Variants in ANKRD36 observed in about 807,000 individuals in gnomAD.
ANKRD36 encodes the protein ankyrin repeat domain-containing protein 36A.
In ANKRD36, 179 loss-of-function variants were observed where a neutral mutation model predicts 278.1. The ratio of observed to expected loss-of-function variants is 0.64; its 90% CI spans 0.57 to 0.73. The LOEUF is 0.73. Among genes scored for constraint, ANKRD36 ranks in the 30% least tolerant of loss-of-function variants. The pLI is 0.00. For synonymous variants in ANKRD36, 320 were observed against 641.1 expected (o/e 0.50, Z 7.57); for missense variants, 1,159 against 1,956.7 (o/e 0.59, Z 7.69).
intron 24 of ANKRD36, among the ~76,000 whole-genome samples, chr2:97,181,186 GATGA>G: frequency 6.6e-6 from 1 of 151,648 alleles, no homozygotes; most frequent in African/African-American, 2.4e-5. Flanking sequence ...TAAAGGGCAT[GATGA>G]ATGTTTGAAG....
intron 38 of ANKRD36, among the ~76,000 whole-genome samples, chr2:97,193,860 G>A (rs1035537281): frequency 4.6e-5 from 7 of 151,578 alleles, no homozygotes; most frequent in Non-Finnish European, 7.4e-5. Flanking sequence ...AGAATAACAC[G>A]ATACTCCCAA....
At chr2:97,202,916 A>G (rs1460818862) in intron 48 of ANKRD36, among the ~76,000 whole-genome samples, 2 of 151,676 alleles carry the variant, frequency 1.3e-5, no homozygotes, top group South Asian at 2.1e-4. Flanking sequence ...TGCTGAGGAA[A>G]CCTGAGTGAA....
intron 48 of ANKRD36, among the ~76,000 whole-genome samples, chr2:97,203,672 T>C (rs2062010176): frequency 6.6e-6 from 1 of 151,828 alleles, no homozygotes; most frequent in African/African-American, 2.4e-5. Flanking sequence ...TATAATGGTG[T>C]AAATCCTTTT....
intron 17 of ANKRD36, among the ~76,000 whole-genome samples, chr2:97,161,571 C>T (rs1263390981): frequency 6.6e-6 from 1 of 152,136 alleles, no homozygotes; most frequent in Non-Finnish European, 1.5e-5. Flanking sequence ...TATGGCTGGA[C>T]CCTCATTACA....
chr2:97,221,106 C>T (rs1401399880), intron 66 of ANKRD36, among the ~76,000 whole-genome samples: 4 of 135,432 alleles, frequency 3.0e-5, no homozygotes, highest in African/African-American at 1.3e-4. Context: ...AGGACATGAA[C>T]TCATCATTTT....
chr2:97,200,901 T>C (rs1464288848), intron 46 of ANKRD36, among the ~76,000 whole-genome samples: 1 of 151,888 alleles, frequency 6.6e-6, no homozygotes, highest in African/African-American at 2.4e-5. Context: ...GACAGAAAAC[T>C]GTTCATTATA....
At chr2:97,125,056 T>C (rs1165934825) in intron 5 of ANKRD36, among the ~76,000 whole-genome samples, 2 of 151,460 alleles carry the variant, frequency 1.3e-5, no homozygotes, top group Non-Finnish European at 2.9e-5. Context: ...GTTCCCTAAG[T>C]CCAAGGAAGA....
intron 6 of ANKRD36, among the ~76,000 whole-genome samples, chr2:97,132,042 T>C (rs1328991594): frequency 1.3e-5 from 2 of 152,046 alleles, no homozygotes; most frequent in Admixed American, 1.3e-4. Context: ...TTAGCCAGGA[T>C]GGTCTGCATC....
Position 97,122,900 on chromosome 2 carries a change from C to T in ANKRD36, c.500C>T (p.Pro167Leu). 6.5e-7 allele frequency: 1 copy of T among 1,540,624 alleles called. No individual in the cohort carries two copies. Among genetic ancestry groups the T allele is most frequent in the Non-Finnish European group, 8.8e-7 (1 of 1,141,410 alleles). Residue 167 changes from proline to leucine, a missense_variant, in exon 4 of 76, where the codon CCA becomes CTA. Physicochemically the swap from Pro to Leu is moderately conservative, Grantham distance 98. Coordinates refer to ENST00000420699, the MANE Select transcript of ANKRD36 (RefSeq NM_001354587.1). ...GTTATTTTACAGTGTGAATATCAGC[C>T]ACTGTTATTTGCTGTGAGTCGAAGA... ...IEECSKCEYQ[P>L]LLFAVSRRKV... is the part of the protein sequence containing the mutation.
intron 42 of ANKRD36, among the ~76,000 whole-genome samples, chr2:97,197,976 G>A (rs1482507196): frequency 2.6e-5 from 4 of 152,008 alleles, no homozygotes; most frequent in Non-Finnish European, 5.9e-5. Context: ...GATGTGAAGT[G>A]TACTTCAACT....
At chr2:97,140,137 C>G (rs2042516013) in intron 6 of ANKRD36, among the ~76,000 whole-genome samples, 1 of 151,602 alleles carries the variant, frequency 6.6e-6, no homozygotes, top group Non-Finnish European at 1.5e-5. Context: ...TGGCACTCTG[C>G]TCTTCTTGGA....
intron 54 of ANKRD36, among the ~76,000 whole-genome samples, chr2:97,208,650 C>T (rs1575987220): frequency 1.4e-5 from 2 of 146,434 alleles, no homozygotes; most frequent in East Asian, 4.0e-4. Context: ...CCACACTGAC[C>T]CATTACTCCT....
At chr2:97,120,769 CA>C (rs2036581466) in intron 3 of ANKRD36, among the ~76,000 whole-genome samples, 2 of 152,006 alleles carry the variant, frequency 1.3e-5, no homozygotes, top group African/African-American at 4.8e-5. Context: ...ATATCCATAG[CA>C]AATATAAAAA....
intron 67 of ANKRD36, among the ~76,000 whole-genome samples, chr2:97,229,095 G>GA (rs1167141944): frequency 1.3e-5 from 2 of 151,326 alleles, no homozygotes; most frequent in African/African-American, 4.8e-5. Context: ...GTGTGGTGCT[G>GA]AAAAAAATGT....
chr2:97,164,932 C>T (rs2050221627), intron 20 of ANKRD36, among the ~76,000 whole-genome samples: 1 of 151,952 alleles, frequency 6.6e-6, no homozygotes, highest in East Asian at 1.9e-4. Flanking sequence ...TGAGTTTCTG[C>T]ATGTGTGTGT....
chr2:97,147,290 A>G (rs1228948337), intron 11 of ANKRD36, among the ~76,000 whole-genome samples: 4 of 151,546 alleles, frequency 2.6e-5, no homozygotes, highest in Non-Finnish European at 5.9e-5. Context: ...TTTTCCTTCT[A>G]TGACATTTTA....
intron 15 of ANKRD36, among the ~76,000 whole-genome samples, 185 bp downstream of exon 15, chr2:97,154,926 G>A (rs1461496358): frequency 7.0e-6 from 1 of 142,240 alleles, no homozygotes; most frequent in African/African-American, 2.5e-5. Flanking sequence ...TTTTTACTTT[G>A]CAAATAAGAA....
intron 6 of ANKRD36, among the ~76,000 whole-genome samples, chr2:97,131,986 G>A (rs1469563100): frequency 1.3e-5 from 2 of 151,678 alleles, no homozygotes; most frequent in Non-Finnish European, 1.5e-5. Context: ...GCACCACCAC[G>A]CCCAGCTAAT....
intron 67 of ANKRD36, among the ~76,000 whole-genome samples, chr2:97,231,862 G>A (rs1304500538): frequency 6.6e-6 from 1 of 152,096 alleles, no homozygotes; most frequent in Non-Finnish European, 1.5e-5. Flanking sequence ...TCATTAGTTA[G>A]TAATATTAGG....
Sources: allele counts gnomAD v4.1 joint callset (sites outside exome capture counted in the v4.1 genomes callset), GRCh38; gene constraint gnomAD v4.1.1; transcripts MANE v1.5; gene names NCBI Gene and HGNC (gene_info 2026-07-23, HGNC 2026-07-21).